PLEKHN1: variants seen among roughly 807,000 people sequenced by gnomAD.
PLEKHN1 encodes the protein pleckstrin homology domain-containing family N member 1.
A neutral mutation model predicts 72.8 loss-of-function variants in PLEKHN1; 68 were observed. The ratio of observed to expected loss-of-function variants is 0.93; its 90% CI spans 0.77 to 1.14. The LOEUF is 1.14. Ranked by LOEUF, PLEKHN1 falls within the 50% of genes most tolerant of loss-of-function variation. PLEKHN1 has a pLI of 0.00. For missense variants in PLEKHN1, 1,015 were observed against 840.5 expected (o/e 1.21, Z -2.57); for synonymous variants, 454 against 371.6 (o/e 1.22, Z -2.55).
chr1:967,724 C>T (rs6696281), intron 2 of PLEKHN1, among the ~76,000 whole-genome samples: 29,172 of 152,148 alleles, frequency 0.19, 6,081 homozygotes, highest in African/African-American at 0.52. Context: ...GTACTGGTTT[C>T]GGAAACCACG....
intron 2 of PLEKHN1, among the ~76,000 whole-genome samples, chr1:967,229 T>G (rs1305307333): frequency 6.6e-6 from 1 of 152,114 alleles, no homozygotes; most frequent in African/African-American, 2.4e-5. Flanking sequence ...AAGTTGCCGC[T>G]GGGTATGGCC....
At position 972,901 on chromosome 1, in the gene PLEKHN1, A is replaced by C; in HGVS notation, c.1043A>C (p.Gln348Pro). Residue 348 changes from glutamine (Q) to proline (P), a missense_variant, in exon 11 of 16, where the codon CAG becomes CCG. By Grantham distance (76) the Gln-to-Pro change is moderately conservative (BLOSUM62 -1). Coordinates refer to ENST00000379410, the MANE Select transcript of PLEKHN1 (RefSeq NM_032129.3). ...SGRGSLSSGG[Q>P]TSWDSGCLAP... ...CGAGGCTCACTCTCCTCAGGCGGAC[A>C]GACCAGCTGGGACTCGGGGTGCTTG... 1 of 1,559,922 alleles carries C rather than the reference A, an allele frequency of 6.4e-7. No individual in the cohort carries two copies. The highest frequency in any genetic ancestry group is 1.2e-5 in the South Asian group (1 of 85,074).
At chr1:971,792 G>A (rs1461909289) in intron 8 of PLEKHN1, among the ~76,000 whole-genome samples, 1 of 65,480 alleles carries the variant, frequency 1.5e-5, no homozygotes, top group Non-Finnish European at 3.8e-5. Context: ...ACAAACACAG[G>A]GCCCTCCCCA....
chr1:966,572 T>TCCGGGCCTCCTTCTCCAGAAAGCC lies in PLEKHN1; in HGVS notation c.43_66dup (p.Arg15_Pro22dup). On this transcript the variant is annotated inframe_insertion, in exon 1 of 16. Coordinates refer to ENST00000379410, the MANE Select transcript of PLEKHN1 (RefSeq NM_032129.3). The stretch of plus-strand genomic sequence containing the variant: ...TGTGTCCCTCAGGCCCCCAGGAGGC[T>TCCGGGCCTCCTTCTCCAGAAAGCC]CCGGGCCTCCTTCTCCAGAAAGCCC... 6.2e-7 allele frequency: 1 copy of TCCGGGCCTCCTTCTCCAGAAAGCC among 1,610,952 alleles called. No individual in the cohort carries two copies.
rs376988925 is a variant in PLEKHN1, at chr1:970,237, C to T, written c.184-40C>T. 98 of 1,602,906 alleles carry T rather than the reference C, an allele frequency of 6.1e-5. No homozygotes were observed. The highest frequency in any genetic ancestry group is 8.1e-5 in the Non-Finnish European group (95 of 1,174,812). ...GGATGCGAGCGGAGGGGGTGGGGGG[C>T]CCAGGGGAGGCCCCCTCCCCTGAGC... On this transcript the variant is annotated intron_variant, in intron 2 of 15. Coordinates refer to ENST00000379410, the MANE Select transcript of PLEKHN1 (RefSeq NM_032129.3). The surrounding 1 kb of genome is among the most constrained non-coding windows in gnomAD (Gnocchi z 4.2).
At position 975,405 on chromosome 1, in the gene PLEKHN1, G is replaced by A. The variant is rs570272731; in HGVS notation, c.*830G>A. The A allele has an allele frequency of 1.3e-5, 2 of 152,368 alleles. No individual in the cohort carries two copies. The highest frequency in any genetic ancestry group is 4.1e-4 in the South Asian group (2 of 4,832). 9.4% of individuals were successfully genotyped at this position (152,368 alleles called of 1,614,324 possible). A position where few individuals can be genotyped will look rare whatever the true frequency, so the allele number is the denominator to read the frequency against. ...CCAGCTGCCCCACAGGAGCCCCCGG[G>A]ACAACCCCAGGAGCCCAGCCCTCCA... On this transcript the variant is annotated 3_prime_UTR_variant, in exon 16 of 16. Coordinates refer to ENST00000379410, the MANE Select transcript of PLEKHN1 (RefSeq NM_032129.3).
chr1:972,316 G>A lies in PLEKHN1; in HGVS notation c.894G>A (p.Val298=), dbSNP rs780156386. Reference sequence around the variant, plus strand: ...CCCTCATCAACACCATCCGCGTGGTGTGCGCCAGCTACGAGGACTACGGTC... The same window carrying A: ...CCCTCATCAACACCATCCGCGTGGTATGCGCCAGCTACGAGGACTACGGTC... ...EGPLINTIRV[V]CASYEDYGHW... The change falls in exon 10 of 16, where the codon GTG becomes GTA. Residue 298 remains valine, a synonymous_variant. Coordinates refer to ENST00000379410, the MANE Select transcript of PLEKHN1 (RefSeq NM_032129.3). 4.3e-6 allele frequency: 7 copies of A among 1,612,624 alleles called. No homozygotes were observed. The South Asian group carries it at 6.6e-5, about 15-fold the overall frequency.
At chr1:973,789 GC>G (rs1643467293) in intron 13 of PLEKHN1, 43 bp from the exon 14 acceptor site, 1 of 1,587,558 alleles carries the variant, frequency 6.3e-7, no homozygotes, top group Non-Finnish European at 8.6e-7. Context: ...GGTTCTGGGG[GC>G]CCCTGGCTGC....
Position 969,532 on chromosome 1 carries a change from G to A in PLEKHN1, c.184-745G>A, listed in dbSNP as rs970325957. Among the ~76,000 whole-genome samples, 71 of 151,962 alleles carry A rather than the reference G, an allele frequency of 4.7e-4. 2 individuals are homozygous for A. The highest frequency in any genetic ancestry group is 3.1e-3 in the Admixed American group (47 of 15,260). ...TAGGTGTGCATGTGTATGTGTGCACGTGTGTATGTGCACGTGTGTATGTGT... is the reference window on the plus strand; with the variant it reads ...TAGGTGTGCATGTGTATGTGTGCACATGTGTATGTGCACGTGTGTATGTGT... On this transcript the variant is annotated intron_variant, in intron 2 of 15. Transcript: ENST00000379410.
chr1:972,424 G>A lies in PLEKHN1; in HGVS notation c.1002G>A (p.Gln334=), dbSNP rs1449516658. ...GTGCCGAGAGCTTCCCAGGGTCGCAGGTGAGGGGTCAATAGGCCCCACAGC... is the reference window on the plus strand; with the variant it reads ...GTGCCGAGAGCTTCCCAGGGTCGCAAGTGAGGGGTCAATAGGCCCCACAGC... ...LPGAESFPGS[Q]VMGSGRGSLS... Residue 334 remains glutamine, a splice_region_variant and synonymous_variant, in exon 10 of 16, where the codon CAG becomes CAA. Transcript: ENST00000379410. 1.3e-6 allele frequency: 2 copies of A among 1,567,850 alleles called. No individual in the cohort carries two copies. The highest frequency in any genetic ancestry group is 2.3e-5 in the East Asian group (1 of 42,958).
At chr1:974,129 TGAGGGAGCAGG>T in intron 14 of PLEKHN1, 78 bp downstream of exon 14, 6 of 1,493,176 alleles carry the variant, frequency 4.0e-6, no homozygotes, top group Non-Finnish European at 5.4e-6. Context: ...CTTGGGACTC[TGAGGGAGCAGG>T]GAGGGAAACA....
chr1:974,002 G>A lies in PLEKHN1; in HGVS notation c.1604G>A (p.Arg535Gln), dbSNP rs778099827. Residue 535 changes from arginine (R) to glutamine (Q), a missense_variant, in exon 14 of 16, where the codon CGG (arginine) becomes CAG (glutamine). Arg to Gln is a conservative substitution (Grantham distance 43). Coordinates refer to ENST00000379410, the MANE Select transcript of PLEKHN1 (RefSeq NM_032129.3). ...ALQSRAAQRH[R>Q]GSAKDGGPQP... Reference sequence around the variant, plus strand: ...CAGTCCAGAGCCGCTCAGAGACACCGGGGCTCAGCCAAGGATGGGGGGCCG... The same window carrying A: ...CAGTCCAGAGCCGCTCAGAGACACCAGGGCTCAGCCAAGGATGGGGGGCCG... The A allele has an allele frequency of 1.7e-5, 27 of 1,604,474 alleles. No homozygotes were observed. Among genetic ancestry groups the A allele is most frequent in the African/African-American group, 5.3e-5 (4 of 74,784 alleles).
chr1:970,575 CACGGCTCGGAAGG>C lies in PLEKHN1; in HGVS notation c.388_400del (p.Gly130SerfsTer9). ...CCCCGCCCACCTGTACTTCCAGGCC[CACGGCTCGGAAGG>C]ACTCACATTTCAGGTGAGGCGGTGG... is the stretch of plus-strand genomic sequence containing the variant. On this transcript the variant is annotated frameshift_variant, in exon 4 of 16. Transcript: ENST00000379410. LOFTEE classifies it high-confidence loss of function. The surrounding 1 kb of genome is among the most constrained non-coding windows in gnomAD (Gnocchi z 4.2). The C allele has an allele frequency of 6.2e-7, 1 of 1,612,924 alleles. No homozygotes were observed. The highest frequency in any genetic ancestry group is 8.5e-7 in the Non-Finnish European group (1 of 1,179,908).
intron 10 of PLEKHN1, 28 bp from the exon 11 acceptor site, chr1:972,833 C>A: frequency 6.6e-7 from 1 of 1,519,464 alleles, no homozygotes; most frequent in Non-Finnish European, 8.9e-7. Context: ...GTCCAGCCCT[C>A]ACTCACCCCC....
Position 973,505 on chromosome 1 carries a change from C to G in PLEKHN1, c.1299C>G (p.His433Gln). Reference sequence around the variant, plus strand: ...CTCCCACCTCTGCCCTGCAGCTGCACAGGCTGAGCCTGGAGAGCAGCCCAG... The same window carrying G: ...CTCCCACCTCTGCCCTGCAGCTGCAGAGGCTGAGCCTGGAGAGCAGCCCAG... Reference protein sequence around the residue: ...TPLHLDLTQLHRLSLESSPDA... With the variant: ...TPLHLDLTQLQRLSLESSPDA... Residue 433 changes from histidine to glutamine, a missense_variant, in exon 13 of 16, where the codon CAC becomes CAG. Physicochemically the swap from His to Gln is conservative, Grantham distance 24. Coordinates refer to ENST00000379410, the MANE Select transcript of PLEKHN1 (RefSeq NM_032129.3). 6.2e-7 allele frequency: 1 copy of G among 1,612,870 alleles called. No homozygotes were observed. The highest frequency in any genetic ancestry group is 8.5e-7 in the Non-Finnish European group (1 of 1,179,924).
In PLEKHN1 at chr1:970,809, G is replaced by T. The variant is rs1236214981; in HGVS notation, c.484+51G>T. 1 of 1,612,598 alleles carries T rather than the reference G, an allele frequency of 6.2e-7. No homozygotes were observed. Among genetic ancestry groups the T allele is most frequent in the African/African-American group, 1.3e-5 (1 of 74,920 alleles). The stretch of plus-strand genomic sequence containing the variant: ...CAGAGGCACTCCTGACCCAGGACTT[G>T]GAGAGGGGCCTGCCCTGTGGCTGCG... On this transcript the variant is annotated intron_variant, in intron 5 of 15. Coordinates refer to ENST00000379410, the MANE Select transcript of PLEKHN1 (RefSeq NM_032129.3). The surrounding 1 kb of genome is among the most constrained non-coding windows in gnomAD (Gnocchi z 4.2).
At position 972,095 on chromosome 1, in the gene PLEKHN1, C is replaced by A; in HGVS notation, c.810C>A (p.Ala270=). 4 of 1,613,052 alleles carry A rather than the reference C, an allele frequency of 2.5e-6. No homozygotes were observed. Among genetic ancestry groups the A allele is most frequent in the Non-Finnish European group, 3.4e-6 (4 of 1,179,890 alleles). Residue 270 remains alanine, a synonymous_variant, in exon 9 of 16, where the codon GCC becomes GCA. Coordinates refer to ENST00000379410, the MANE Select transcript of PLEKHN1 (RefSeq NM_032129.3). Reference sequence around the variant, plus strand: ...CGCAGGGGGAGCTCCCACTCCGTGCCGTCCACATCAACCTGGAGGAGAAGG... The same window carrying A: ...CGCAGGGGGAGCTCCCACTCCGTGCAGTCCACATCAACCTGGAGGAGAAGG... ...LCFKGELPLR[A]VHINLEEKEK... is the part of the protein sequence containing the mutation.
chr1:973,319 TGACCCAGGTG>T lies in PLEKHN1; in HGVS notation c.1288_1293+4del. ...CCTGTCACCCCACTGCACCTGGACC[TGACCCAGGTG>T]GGCCCAGCACACCCACACAGCCCCT... On this transcript the variant is annotated splice_donor_variant and splice_donor_region_variant and coding_sequence_variant and intron_variant, in exon 12 of 16. Coordinates refer to ENST00000379410, the MANE Select transcript of PLEKHN1 (RefSeq NM_032129.3). LOFTEE classifies it high-confidence loss of function. 6.5e-7 allele frequency: 1 copy of T among 1,546,568 alleles called. No homozygotes were observed. The highest frequency in any genetic ancestry group is 8.8e-7 in the Non-Finnish European group (1 of 1,141,544).
In PLEKHN1 at chr1:973,539, G is replaced by C. The variant is rs1288126915; in HGVS notation, c.1333G>C (p.Asp445His). The change falls in exon 13 of 16, where the codon GAC (aspartate) becomes CAC (histidine). Residue 445 changes from aspartate to histidine, a missense_variant. Coordinates refer to ENST00000379410, the MANE Select transcript of PLEKHN1 (RefSeq NM_032129.3). ...LSLESSPDAP[D>H]HTSETSHSPL... ...CCTGGAGAGCAGCCCAGATGCCCCT[G>C]ACCACACTTCGGAAACATCACACTC... is the stretch of plus-strand genomic sequence containing the variant. 7.6e-5 allele frequency: 123 copies of C among 1,613,220 alleles called. 1 individual carries two copies. Among genetic ancestry groups the C allele is most frequent in the Non-Finnish European group, 1.0e-4 (120 of 1,179,968 alleles).
Sources: allele counts gnomAD v4.1 joint callset (sites outside exome capture counted in the v4.1 genomes callset), GRCh38; gene constraint gnomAD v4.1.1; non-coding constraint Gnocchi (gnomAD v3.1); transcripts MANE v1.5; gene names NCBI Gene and HGNC (gene_info 2026-07-23, HGNC 2026-07-21).